Variants in PLPPR5 observed in about 807,000 individuals in gnomAD.
PLPPR5 encodes phospholipid phosphatase-related protein type 5.
PLPPR5 carries 16 observed loss-of-function variants against 33.9 expected under a neutral mutation model. The observed-to-expected ratio is 0.47, with a 90% CI of 0.32 to 0.72. The LOEUF is 0.72. Among genes scored for constraint, PLPPR5 ranks in the 30% least tolerant of loss-of-function variants. PLPPR5 has a pLI of 0.03. For synonymous variants in PLPPR5, 163 were observed against 150.3 expected, an observed-to-expected ratio of 1.08 and a Z score of -0.62; for missense variants, 301 against 406.7, an observed-to-expected ratio of 0.74 and a Z score of 2.23.
At chr1:98,898,468 G>A (rs958624290) in intron 5 of PLPPR5, among the ~76,000 whole-genome samples, 2 of 152,152 alleles carry the variant, frequency 1.3e-5, no homozygotes, top group Non-Finnish European at 2.9e-5. Flanking sequence ...TTGAGGAGGG[G>A]AAGGTGAGCA....
At chr1:98,975,581 T>C (rs1651821179) in intron 1 of PLPPR5, among the ~76,000 whole-genome samples, 1 of 152,084 alleles carries the variant, frequency 6.6e-6, no homozygotes, top group South Asian at 2.1e-4. Context: ...CACTGACTTC[T>C]TTCAATATCT....
intron 3 of PLPPR5, among the ~76,000 whole-genome samples, chr1:98,932,357 C>T (rs1442372248): frequency 6.6e-6 from 1 of 152,110 alleles, no homozygotes; most frequent in Non-Finnish European, 1.5e-5. Flanking sequence ...ACCATCTAGG[C>T]CTCCGTGGAG....
intron 3 of PLPPR5, among the ~76,000 whole-genome samples, chr1:98,933,055 A>C (rs1399082148): frequency 6.6e-6 from 1 of 152,128 alleles, no homozygotes; most frequent in Non-Finnish European, 1.5e-5. Context: ...ACACATTCAC[A>C]TTTCTACCTC....
At chr1:98,957,126 A>C (rs1480069181) in intron 1 of PLPPR5, among the ~76,000 whole-genome samples, 1 of 150,192 alleles carries the variant, frequency 6.7e-6, no homozygotes, top group East Asian at 2.0e-4. Context: ...CATAGGTGGG[A>C]AGTGAACAAT....
chr1:98,908,421 AC>A (rs1267183385), intron 5 of PLPPR5, among the ~76,000 whole-genome samples: 1 of 152,144 alleles, frequency 6.6e-6, no homozygotes, highest in African/African-American at 2.4e-5. Context: ...TGAAATGTAA[AC>A]GTCTCCATCT....
At chr1:98,931,669 G>A (rs907094812) in intron 3 of PLPPR5, among the ~76,000 whole-genome samples, 1 of 152,096 alleles carries the variant, frequency 6.6e-6, no homozygotes, top group Non-Finnish European at 1.5e-5. Context: ...ATGACTCAGT[G>A]TGTCAGTCTG....
At chr1:98,896,925 GTCAC>G (rs764139533) in intron 5 of PLPPR5, among the ~76,000 whole-genome samples, 7 of 152,054 alleles carry the variant, frequency 4.6e-5, no homozygotes, top group Non-Finnish European at 7.4e-5. Context: ...GGCAAGACCT[GTCAC>G]TCAATCAACA....
At chr1:98,911,348 T>G (rs573867832) in intron 5 of PLPPR5, among the ~76,000 whole-genome samples, 1 of 152,290 alleles carries the variant, frequency 6.6e-6, no homozygotes, top group Admixed American at 6.5e-5. Context: ...CATAAATTTG[T>G]TATGAACCTA....
intron 3 of PLPPR5, among the ~76,000 whole-genome samples, chr1:98,938,408 G>C (rs1650249414): frequency 7.1e-6 from 1 of 141,452 alleles, no homozygotes; most frequent in Admixed American, 7.2e-5. Context: ...GAGAAACAGG[G>C]CAAGATCGTC....
chr1:98,909,976 A>C (rs1649062652), intron 5 of PLPPR5, among the ~76,000 whole-genome samples: 1 of 152,234 alleles, frequency 6.6e-6, no homozygotes, highest in Non-Finnish European at 1.5e-5. Flanking sequence ...ATGGTAATTA[A>C]CTATATGAAA....
chr1:98,932,747 G>A (rs899299853), intron 3 of PLPPR5, among the ~76,000 whole-genome samples: 6 of 152,160 alleles, frequency 3.9e-5, no homozygotes, highest in African/African-American at 1.4e-4. Context: ...ACATTAGTTG[G>A]TTATAATGAG....
At chr1:98,956,257 T>C (rs1650994436) in intron 2 of PLPPR5, among the ~76,000 whole-genome samples, 1 of 152,216 alleles carries the variant, frequency 6.6e-6, no homozygotes, top group Admixed American at 6.5e-5. Context: ...TGTTCTTTTT[T>C]CCTTAAAAGA....
chr1:98,947,492 A>T (rs991420916), intron 3 of PLPPR5, among the ~76,000 whole-genome samples: 4 of 152,242 alleles, frequency 2.6e-5, no homozygotes, highest in African/African-American at 4.8e-5. Context: ...TAATAGCTGT[A>T]TGTGTGTAAC....
chr1:98,986,433 T>C (rs1012356292), intron 1 of PLPPR5, among the ~76,000 whole-genome samples: 2 of 151,898 alleles, frequency 1.3e-5, no homozygotes, highest in Admixed American at 6.6e-5. Flanking sequence ...TTTAAAATTC[T>C]AATTAACATA....
chr1:98,966,972 G>A (rs1182309428), intron 1 of PLPPR5, among the ~76,000 whole-genome samples: 1 of 152,036 alleles, frequency 6.6e-6, no homozygotes, highest in Non-Finnish European at 1.5e-5. Context: ...CTGGGGGTGG[G>A]GGTCTGGCCA....
At chr1:98,923,916 T>C (rs1434228098) in intron 3 of PLPPR5, among the ~76,000 whole-genome samples, 1 of 152,220 alleles carries the variant, frequency 6.6e-6, no homozygotes, top group East Asian at 1.9e-4. Flanking sequence ...ATGCAGCTAA[T>C]TGAGTAACTC....
rs1311950982 is a variant in PLPPR5, at chr1:98,900,358, T to G, written c.934-7254A>C. Among the ~76,000 whole-genome samples, 3 of 152,096 alleles carry G rather than the reference T, an allele frequency of 2.0e-5. No individual in the cohort carries two copies. The East Asian group carries it at 5.8e-4, about 29-fold the overall frequency. On this transcript the variant is annotated intron_variant, in intron 5 of 5. Transcript: ENST00000263177. The stretch of plus-strand genomic sequence containing the variant: ...GGCTCATGGTCCTGAAGATCTCCCC[T>G]AAGATGACGTTTCAAGCATTGCTAA...
intron 5 of PLPPR5, among the ~76,000 whole-genome samples, chr1:98,912,273 T>C (rs1030508015): frequency 2.0e-5 from 3 of 152,182 alleles, no homozygotes; most frequent in African/African-American, 7.2e-5. Flanking sequence ...AACTGTAAAA[T>C]GGGAATATGC....
At chr1:98,938,532 AT>A (rs1233278403) in intron 3 of PLPPR5, among the ~76,000 whole-genome samples, 2 of 148,254 alleles carry the variant, frequency 1.3e-5, no homozygotes, top group African/African-American at 4.9e-5. Context: ...ACATTTATAT[AT>A]TTATATAAAT....
Sources: gnomAD v4.1 joint callset for allele counts (sites outside exome capture counted in the v4.1 genomes callset) on GRCh38, gnomAD v4.1.1 for gene constraint, MANE v1.5 for transcripts, NCBI Gene and HGNC (gene_info 2026-07-23, HGNC 2026-07-21) for gene names.